The following LRP6 variants were observed in gnomAD, a reference collection of about 807,000 sequenced individuals.
LRP6 encodes LDL receptor related protein 6, also known as low-density lipoprotein receptor-related protein 6.
In LRP6, 43 loss-of-function variants were observed where a neutral mutation model predicts 184.1. The ratio of observed to expected loss-of-function variants is 0.23; its 90% CI spans 0.18 to 0.30. LRP6 has a LOEUF of 0.30. Among genes scored for constraint, LRP6 ranks in the 10% least tolerant of loss-of-function variants. The probability of loss-of-function intolerance (pLI) is 1.00; values close to 1 mark genes in which losing one functional copy is unlikely to be tolerated. For missense variants in LRP6, 1,571 were observed against 2,005.3 expected (o/e 0.78, Z 4.14); for synonymous variants, 719 against 684.9 (o/e 1.05, Z -0.78).
At chr12:12,171,531 TAAAA>T (rs1863043869) in intron 7 of LRP6, among the ~76,000 whole-genome samples, 1 of 74,784 alleles carries the variant, frequency 1.3e-5, no homozygotes, top group African/African-American at 5.7e-5. Context: ...CAAAAAAAAA[TAAAA>T]TAAATAAATA....
At chr12:12,236,970 TC>T (rs1167839987) in intron 2 of LRP6, among the ~76,000 whole-genome samples, 1 of 152,042 alleles carries the variant, frequency 6.6e-6, no homozygotes, top group Non-Finnish European at 1.5e-5. Flanking sequence ...CTATCTCCAG[TC>T]CCTCTCCCCT....
chr12:12,234,867 G>A (rs1248425339), intron 2 of LRP6, among the ~76,000 whole-genome samples: 1 of 148,138 alleles, frequency 6.8e-6, no homozygotes, highest in African/African-American at 2.5e-5. Context: ...TGAGAACGGA[G>A]ATATAATAAA....
intron 7 of LRP6, among the ~76,000 whole-genome samples, chr12:12,167,246 A>T (rs1862903113): frequency 6.6e-6 from 1 of 152,190 alleles, no homozygotes; most frequent in Non-Finnish European, 1.5e-5. Context: ...TTCTCTAAAA[A>T]ATTTCTCATG....
intron 2 of LRP6, among the ~76,000 whole-genome samples, chr12:12,209,825 A>G (rs949729488): frequency 1.3e-5 from 2 of 152,182 alleles, no homozygotes; most frequent in South Asian, 4.1e-4. Flanking sequence ...GCCCTTACGA[A>G]ATTCGCAATG....
intron 20 of LRP6, among the ~76,000 whole-genome samples, chr12:12,125,944 CTGA>C (rs992697668): frequency 6.6e-6 from 1 of 152,148 alleles, no homozygotes; most frequent in African/African-American, 2.4e-5. Flanking sequence ...ATTCCACTAA[CTGA>C]AAATAGGTAT....
intron 2 of LRP6, among the ~76,000 whole-genome samples, chr12:12,222,521 C>T (rs1197158698): frequency 2.7e-5 from 4 of 150,054 alleles, no homozygotes; most frequent in African/African-American, 9.8e-5. Flanking sequence ...GAGCCAAGAT[C>T]GCGCCATTGC....
At chr12:12,133,481 A>ACC (rs901535280) in intron 17 of LRP6, among the ~76,000 whole-genome samples, 4 of 151,586 alleles carry the variant, frequency 2.6e-5, no homozygotes, top group African/African-American at 9.7e-5. Context: ...CTCACTCTTC[A>ACC]CCCCCGCCAT....
intron 2 of LRP6, among the ~76,000 whole-genome samples, chr12:12,237,295 T>G (rs1366662953): frequency 6.6e-6 from 1 of 152,034 alleles, no homozygotes; most frequent in African/African-American, 2.4e-5. Context: ...TATAAATAAC[T>G]GAATAAATAA....
At chr12:12,126,001 T>C (rs1176315390) in intron 20 of LRP6, among the ~76,000 whole-genome samples, 3 of 152,210 alleles carry the variant, frequency 2.0e-5, no homozygotes, top group East Asian at 3.8e-4. Context: ...AAACCATGTT[T>C]GTCTACTTAA....
At chr12:12,226,623 A>T (rs1197227777) in intron 2 of LRP6, 1 of 152,232 alleles carries the variant, frequency 6.6e-6, no homozygotes, top group Non-Finnish European at 1.5e-5. Flanking sequence ...AAAGCTGAAA[A>T]GCAGATTTTT....
chr12:12,244,744 A>T, intron 1 of LRP6, 89 bp from the exon 2 acceptor site: 1 of 1,172,906 alleles, frequency 8.5e-7, no homozygotes. Context: ...TTAAGTGAGC[A>T]AAGACTGTCG....
chr12:12,238,180 C>A (rs1864971289), intron 2 of LRP6, among the ~76,000 whole-genome samples: 1 of 145,272 alleles, frequency 6.9e-6, no homozygotes, highest in Non-Finnish European at 1.5e-5. Flanking sequence ...CAAAGTTAGG[C>A]ACAGCTGAAG....
chr12:12,228,746 C>T (rs1264941207), intron 2 of LRP6, among the ~76,000 whole-genome samples: 1 of 152,226 alleles, frequency 6.6e-6, no homozygotes, highest in African/African-American at 2.4e-5. Flanking sequence ...TGAGGTGGCA[C>T]AGTTTCATCC....
chr12:12,200,743 T>C (rs1863893094), intron 3 of LRP6, among the ~76,000 whole-genome samples: 1 of 152,184 alleles, frequency 6.6e-6, no homozygotes, highest in African/African-American at 2.4e-5. Flanking sequence ...TATGGCAACC[T>C]TTACACATTT....
At chr12:12,242,853 T>C (rs936025370) in intron 2 of LRP6, among the ~76,000 whole-genome samples, 1 of 152,124 alleles carries the variant, frequency 6.6e-6, no homozygotes, top group African/African-American at 2.4e-5. Context: ...ATCAGTCTTC[T>C]CATTTTTCTA....
At chr12:12,155,898 CTTCA>C in intron 12 of LRP6, 1 of 561,394 alleles carries the variant, frequency 1.8e-6, no homozygotes, top group Non-Finnish European at 3.1e-6. Context: ...TGCCTTGTTT[CTTCA>C]TTCATTTATT....
intron 1 of LRP6, 79 bp downstream of exon 1, chr12:12,266,589 CTTCCTCCGTCCCT>C: frequency 8.8e-7 from 1 of 1,130,660 alleles, no homozygotes. Flanking sequence ...CCCCTTCTCC[CTTCCTCCGTCCCT>C]CCCCTCCCCC....
intron 7 of LRP6, among the ~76,000 whole-genome samples, chr12:12,167,760 C>T (rs1049549985): frequency 6.6e-6 from 1 of 151,980 alleles, no homozygotes; most frequent in East Asian, 1.9e-4. Context: ...TGGTTCCTGT[C>T]CTTTAAAAAT....
chr12:12,229,091 C>A (rs942524058), intron 2 of LRP6, among the ~76,000 whole-genome samples: 1 of 152,164 alleles, frequency 6.6e-6, no homozygotes, highest in Non-Finnish European at 1.5e-5. Context: ...AGAATATCGG[C>A]CCGGCACAAC....
Sources: allele counts gnomAD v4.1 joint callset (sites outside exome capture counted in the v4.1 genomes callset), GRCh38; gene constraint gnomAD v4.1.1; transcripts MANE v1.5; gene names NCBI Gene and HGNC (gene_info 2026-07-23, HGNC 2026-07-21).